GLB1L2: variants seen among roughly 807,000 people sequenced by gnomAD.
GLB1L2 encodes the protein galactosidase beta 1 like 2.
GLB1L2 carries 68 observed loss-of-function variants against 84.1 expected under a neutral mutation model. That is an observed-to-expected ratio of 0.81 (90% CI 0.67 to 0.99). The LOEUF (loss-of-function observed/expected upper bound fraction) is 0.99, where lower values mean the gene tolerates loss of function less well. GLB1L2 is among the 50% of genes least tolerant of loss of function. GLB1L2 has a pLI of 0.00. For missense variants in GLB1L2, 762 were observed against 805.6 expected, an observed-to-expected ratio of 0.95 and a Z score of 0.66; for synonymous variants, 290 against 318.0, an observed-to-expected ratio of 0.91 and a Z score of 0.94.
At chr11:134,336,728 T>C (rs746029747) in intron 1 of GLB1L2, among the ~76,000 whole-genome samples, 1 of 151,924 alleles carries the variant, frequency 6.6e-6, no homozygotes, top group Non-Finnish European at 1.5e-5. Context: ...CTTGTATATC[T>C]TCATAGATAA....
intron 2 of GLB1L2, among the ~76,000 whole-genome samples, chr11:134,343,357 G>T (rs1207077334): frequency 1.3e-5 from 2 of 152,164 alleles, no homozygotes; most frequent in African/African-American, 2.4e-5. Flanking sequence ...AGTGGTCTTA[G>T]AATGCTGTGG....
chr11:134,332,219 TCCCGCGA>T, intron 1 of GLB1L2, 72 bp downstream of exon 1: 1 of 1,109,438 alleles, frequency 9.0e-7, no homozygotes, highest in South Asian at 1.5e-5. Context: ...GGTTCTCTCC[TCCCGCGA>T]CCCGCGAATC....
intron 8 of GLB1L2, among the ~76,000 whole-genome samples, chr11:134,366,187 G>C (rs1943865819): frequency 1.3e-5 from 2 of 152,226 alleles, no homozygotes; most frequent in Non-Finnish European, 2.9e-5. Flanking sequence ...TGGCATGGGA[G>C]ATTTCTGACT....
At position 134,339,510 on chromosome 11, in the gene GLB1L2, T is replaced by C. The variant is rs374987761; in HGVS notation, c.87-3244T>C. On this transcript the variant is annotated intron_variant, in intron 1 of 18. Coordinates refer to ENST00000535456, the MANE Select transcript of GLB1L2 (RefSeq NM_001370461.1). This position sits in a 1 kb window ranked among gnomAD's most constrained non-coding sequence, Gnocchi z 5.7. ...CTTCTCTAGTAACCTACCAGAAAAT[T>C]CCCATGAAGAAACAGTTGAATTCAC... Among the ~76,000 whole-genome samples the C allele has an allele frequency of 1.3e-5, 2 of 152,154 alleles. No individual in the cohort carries two copies. The highest frequency in any genetic ancestry group is 1.3e-4 in the Admixed American group (2 of 15,276).
At chr11:134,347,283 T>C in intron 4 of GLB1L2, 42 bp from the exon 5 acceptor site, 1 of 1,482,614 alleles carries the variant, frequency 6.7e-7, no homozygotes, top group East Asian at 2.3e-5. Flanking sequence ...GCAAACCCAC[T>C]GTGACACTAA....
intron 5 of GLB1L2, among the ~76,000 whole-genome samples, chr11:134,349,354 G>C (rs1423518650): frequency 1.3e-5 from 2 of 152,208 alleles, no homozygotes; most frequent in Admixed American, 6.5e-5. Context: ...ACGAACGTTT[G>C]AGTTGCTTCT....
chr11:134,364,941 C>T (rs61908678), intron 8 of GLB1L2: 16,290 of 152,920 alleles, frequency 0.11, 956 homozygotes, highest in Non-Finnish European at 0.12. Context: ...CGTGCCCCTC[C>T]GAAGCAGGTG....
chr11:134,368,638 C>T lies in GLB1L2; in HGVS notation c.890-6C>T, dbSNP rs375488325. The T allele has an allele frequency of 1.1e-5, 18 of 1,613,338 alleles. No homozygotes were observed. The highest frequency in any genetic ancestry group is 1.6e-4 in the Middle Eastern group (1 of 6,084). On this transcript the variant is annotated splice_polypyrimidine_tract_variant and splice_region_variant and intron_variant, in intron 9 of 18. Transcript: ENST00000535456. ...CTGCACATCCCCTTTCTCCCTCCTC[C>T]GGCAGAGGTTTTGAAAACCGTGTCT...
chr11:134,343,026 A>T (rs1243887531), intron 2 of GLB1L2, 75 bp downstream of exon 2: 2 of 1,478,124 alleles, frequency 1.4e-6, no homozygotes, highest in East Asian at 2.3e-5. Context: ...AAAAAATATA[A>T]GAGGAACCGG....
intron 5 of GLB1L2, among the ~76,000 whole-genome samples, chr11:134,354,738 CT>C (rs1014547620): frequency 6.6e-5 from 10 of 152,156 alleles, no homozygotes; most frequent in African/African-American, 2.2e-4. Flanking sequence ...CCTTTATAGT[CT>C]TATTGAGGAT....
intron 7 of GLB1L2, among the ~76,000 whole-genome samples, chr11:134,362,998 C>T (rs1445668633): frequency 2.0e-5 from 3 of 152,232 alleles, no homozygotes; most frequent in African/African-American, 7.2e-5. Flanking sequence ...TACCTGTCCA[C>T]TCTCCGCTTG....
At position 134,371,822 on chromosome 11, in the gene GLB1L2, A is replaced by G. The variant is rs1943957246; in HGVS notation, c.1499A>G (p.Gln500Arg). The G allele has an allele frequency of 1.9e-6, 3 of 1,613,936 alleles. No individual in the cohort carries two copies. In the African/African-American group the frequency reaches 4.0e-5, roughly 22 times the overall value. Residue 500 changes from glutamine (Q) to arginine (R), a missense_variant, in exon 15 of 19, where the codon CAG (glutamine) becomes CGG (arginine). By Grantham distance (43) the Gln-to-Arg change is conservative. Transcript: ENST00000535456. ...RVNYGENIDD[Q>R]RKGLIGNLYL... ...AACTATGGGGAGAATATTGATGACC[A>G]GCGCAAAGGTGGGTCCCAGAATGTG...
At chr11:134,366,374 C>T (rs896380616) in intron 8 of GLB1L2, among the ~76,000 whole-genome samples, 2 of 152,158 alleles carry the variant, frequency 1.3e-5, no homozygotes, top group African/African-American at 2.4e-5. Flanking sequence ...CTCAATGGAC[C>T]GTGAGTTTGT....
At chr11:134,332,701 T>C (rs1212791514) in intron 1 of GLB1L2, among the ~76,000 whole-genome samples, 1 of 152,218 alleles carries the variant, frequency 6.6e-6, no homozygotes, top group Non-Finnish European at 1.5e-5. Flanking sequence ...ACAGTAGGAC[T>C]GATAGGTCGT....
chr11:134,372,759 A>T (rs1025572309), intron 15 of GLB1L2, among the ~76,000 whole-genome samples: 1 of 152,138 alleles, frequency 6.6e-6, no homozygotes, highest in African/African-American at 2.4e-5. Flanking sequence ...GTGGCCTGCC[A>T]GGAAAGCCAC....
chr11:134,370,676 C>T lies in GLB1L2; in HGVS notation c.1215+277C>T, dbSNP rs531898078. On this transcript the variant is annotated intron_variant, in intron 12 of 18. Coordinates refer to ENST00000535456, the MANE Select transcript of GLB1L2 (RefSeq NM_001370461.1). The surrounding 1 kb of genome is among the most constrained non-coding windows in gnomAD (Gnocchi z 4.7). ...GTCCCTGAGGAACAGCGGCTGGCCC[C>T]GTGGGCCTTTCCTTCCTCCAGCCTC... 1.4e-3 allele frequency among the ~76,000 whole-genome samples: 220 copies of T among 152,198 alleles called. 1 individual carries two copies. The highest frequency in any genetic ancestry group is 4.4e-3 in the Admixed American group (67 of 15,304).
intron 10 of GLB1L2, among the ~76,000 whole-genome samples, chr11:134,369,552 C>T (rs1423452852): frequency 6.6e-6 from 1 of 152,080 alleles, no homozygotes; most frequent in Non-Finnish European, 1.5e-5. Context: ...ACTGCACAAG[C>T]GATCCTCCTG....
At chr11:134,335,050 A>G (rs1943361296) in intron 1 of GLB1L2, among the ~76,000 whole-genome samples, 1 of 152,136 alleles carries the variant, frequency 6.6e-6, no homozygotes, top group South Asian at 2.1e-4. Context: ...TCATGTGGGC[A>G]GCCAGCATCA....
chr11:134,375,043 C>T lies in GLB1L2; in HGVS notation c.1896C>T (p.Asn632=). ...QFTETPHLGR[N]QYIK is the part of the protein sequence containing the mutation. ...CGGAAACCCCCCACCTGGGCAGGAA[C>T]CAGTACATTAAGTGAGCGGTGGCAC... is the stretch of plus-strand genomic sequence containing the variant. The change falls in exon 19 of 19, where the codon AAC becomes AAT. Residue 632 remains asparagine (N), a synonymous_variant. Coordinates refer to ENST00000535456, the MANE Select transcript of GLB1L2 (RefSeq NM_001370461.1). 1 of 1,613,666 alleles carries T rather than the reference C, an allele frequency of 6.2e-7. No homozygotes were observed.
Sources: allele counts gnomAD v4.1 joint callset (sites outside exome capture counted in the v4.1 genomes callset), GRCh38; gene constraint gnomAD v4.1.1; non-coding constraint Gnocchi (gnomAD v3.1); transcripts MANE v1.5; gene names NCBI Gene and HGNC (gene_info 2026-07-23, HGNC 2026-07-21).